Variants in VPS26C observed in about 807,000 individuals in gnomAD.
VPS26C encodes the protein vacuolar protein sorting-associated protein 26C.
A neutral mutation model predicts 30.6 loss-of-function variants in VPS26C; 19 were observed. That is an observed-to-expected ratio of 0.62 (90% CI 0.43 to 0.91). The LOEUF is 0.91. Ranked by LOEUF, VPS26C falls within the 40% of genes least tolerant of loss-of-function variation. The pLI is 0.00. For missense variants in VPS26C, 318 were observed against 385.1 expected, an observed-to-expected ratio of 0.83 and a Z score of 1.46; for synonymous variants, 132 against 151.5, an observed-to-expected ratio of 0.87 and a Z score of 0.95.
At position 37,224,104 on chromosome 21, in the gene VPS26C, T is replaced by C. The variant is rs970992567; in HGVS notation, c.*1440A>G. 2 of 152,380 alleles carry C rather than the reference T, an allele frequency of 1.3e-5. No individual in the cohort carries two copies. Among genetic ancestry groups the C allele is most frequent in the Admixed American group, 6.5e-5 (1 of 15,306 alleles). The allele number at this position is 152,380 out of a possible 1,614,324, so 9.4% of individuals were successfully genotyped here. ...CAAATTCATCAAGTCAAGGACCTTT[T>C]CCTGCTACCACCTTGCGGAGAGGGG... On this transcript the variant is annotated 3_prime_UTR_variant, in exon 8 of 8. Coordinates refer to ENST00000309117, the MANE Select transcript of VPS26C (RefSeq NM_006052.2).
intron 5 of VPS26C, chr21:37,230,857 C>G (rs1056944915): frequency 6.6e-6 from 1 of 152,424 alleles, no homozygotes; most frequent in African/African-American, 2.4e-5. Context: ...GGTGAGCTCA[C>G]CAGATGGGGG....
chr21:37,245,645 T>A (rs1350514123), intron 1 of VPS26C, among the ~76,000 whole-genome samples: 1 of 152,138 alleles, frequency 6.6e-6, no homozygotes, highest in Non-Finnish European at 1.5e-5. Flanking sequence ...GAACATAAAC[T>A]CCACCAGGGC....
chr21:37,244,398 C>G (rs994318779), intron 1 of VPS26C, among the ~76,000 whole-genome samples: 1 of 152,206 alleles, frequency 6.6e-6, no homozygotes, highest in African/African-American at 2.4e-5. Flanking sequence ...CCACCACACC[C>G]AGCTAATTTT....
Position 37,226,968 on chromosome 21 carries a change from T to C in VPS26C, c.811+686A>G, listed in dbSNP as rs1304355552. The C allele has an allele frequency of 6.6e-6, 1 of 152,172 alleles. No homozygotes were observed. Among genetic ancestry groups the C allele is most frequent in the Non-Finnish European group, 1.5e-5 (1 of 68,036 alleles). The allele number at this position is 152,172 out of a possible 1,614,324, so 9.4% of individuals were successfully genotyped here. ...GATGGAGGTCCCATTACAATATTTA[T>C]AGGAAGAGTTAAAAACATGGAAATG... On this transcript the variant is annotated intron_variant, in intron 7 of 7. Coordinates refer to ENST00000309117, the MANE Select transcript of VPS26C (RefSeq NM_006052.2). The surrounding 1 kb of genome is among the most constrained non-coding windows in gnomAD (Gnocchi z 4.1).
chr21:37,261,238 CACTTT>C (rs2086300699), intron 1 of VPS26C: 1 of 152,174 alleles, frequency 6.6e-6, no homozygotes, highest in Admixed American at 6.5e-5. Flanking sequence ...TTATTCTGTT[CACTTT>C]GTTTCCTTCG....
intron 3 of VPS26C, among the ~76,000 whole-genome samples, chr21:37,234,675 T>C (rs2086001136): frequency 6.6e-6 from 1 of 152,172 alleles, no homozygotes; most frequent in South Asian, 2.1e-4. Flanking sequence ...TCGGACTCTA[T>C]GCATAACTGA....
chr21:37,251,482 T>A (rs554736983), intron 1 of VPS26C, among the ~76,000 whole-genome samples: 86 of 152,342 alleles, frequency 5.6e-4, no homozygotes, highest in East Asian at 1.2e-3. Context: ...TACTTTTTTT[T>A]AAAATTTAAG....
At chr21:37,267,108 G>A in intron 1 of VPS26C, 130 bp downstream of exon 1, 1 of 859,054 alleles carries the variant, frequency 1.2e-6, no homozygotes, top group Non-Finnish European at 1.9e-6. Flanking sequence ...CACCCACCTT[G>A]GCGGAGACGC....
chr21:37,228,228 G>A lies in VPS26C; in HGVS notation c.653C>T (p.Thr218Met), dbSNP rs144157922. The A allele has an allele frequency of 1.8e-5, 29 of 1,612,004 alleles. No homozygotes were observed. The highest frequency in any genetic ancestry group is 2.2e-5 in the South Asian group (2 of 91,054). Residue 218 changes from threonine (T) to methionine (M), a missense_variant, in exon 6 of 8, where the codon ACG (threonine) becomes ATG (methionine). Thr to Met is a moderately conservative substitution (Grantham distance 81, BLOSUM62 -1). Transcript: ENST00000309117. ...CCTGGTGGCACGGCCCTCACCGCAC[G>A]TCTCCACGCGCACCAGCTGCAGCTC... The part of the protein sequence containing the change: ...SVELQLVRVE[T>M]CGCAEGYARD...
chr21:37,244,389 C>T (rs896928016), intron 1 of VPS26C, among the ~76,000 whole-genome samples: 10 of 152,232 alleles, frequency 6.6e-5, no homozygotes, highest in Non-Finnish European at 1.5e-4. Context: ...AGGCATGCAC[C>T]ACCACACCCA....
At chr21:37,231,432 C>T (rs1240474515) in intron 5 of VPS26C, 1 of 152,222 alleles carries the variant, frequency 6.6e-6, no homozygotes, top group Admixed American at 6.5e-5. Context: ...GTCGCGTGCC[C>T]TCAGAGCCCG....
At chr21:37,244,819 A>T (rs896092051) in intron 1 of VPS26C, among the ~76,000 whole-genome samples, 3 of 152,178 alleles carry the variant, frequency 2.0e-5, no homozygotes, top group Non-Finnish European at 2.9e-5. Flanking sequence ...AAACGGAAAG[A>T]AGGCCCCCAG....
At chr21:37,268,016 C>T (rs891503082), upstream of VPS26C, 1 of 152,428 alleles carries the variant, frequency 6.6e-6, no homozygotes, top group South Asian at 2.1e-4. Flanking sequence ...CGTCCCAGCG[C>T]CAGCTGGGCC....
chr21:37,230,189 TAA>T (rs1376779806), intron 5 of VPS26C, among the ~76,000 whole-genome samples: 2 of 152,158 alleles, frequency 1.3e-5, no homozygotes, highest in Non-Finnish European at 2.9e-5. Context: ...TAAAAATAAC[TAA>T]GAGAAGCTAT....
chr21:37,266,916 A>C (rs1284705394), intron 1 of VPS26C: 7 of 435,954 alleles, frequency 1.6e-5, no homozygotes, highest in Admixed American at 4.4e-5. Context: ...GAGGGAGCTC[A>C]AGCCTGAGAA....
At chr21:37,267,161 G>T in intron 1 of VPS26C, 77 bp downstream of exon 1, 2 of 1,287,290 alleles carry the variant, frequency 1.6e-6, no homozygotes, top group Non-Finnish European at 2.2e-6. Flanking sequence ...CGCGGGACGT[G>T]CGCAGAGCGA....
At position 37,227,937 on chromosome 21, in the gene VPS26C, G is replaced by A. The variant is rs7280972; in HGVS notation, c.659-131C>T. On this transcript the variant is annotated intron_variant, in intron 6 of 7. Transcript: ENST00000309117. Reference sequence around the variant, plus strand: ...CCCTCCCCTCACTTTCCTTAGACACGCGGCTACTGCTAAGGCACAGCCACG... The same window carrying A: ...CCCTCCCCTCACTTTCCTTAGACACACGGCTACTGCTAAGGCACAGCCACG... The A allele has an allele frequency of 3.1e-3, 3,807 of 1,218,364 alleles. 90 individuals carry two copies. The African/African-American group carries it at 0.046, about 15-fold the overall frequency. 75.5% of individuals were successfully genotyped at this position (1,218,364 alleles called of 1,614,324 possible). A position where few individuals can be genotyped will look rare whatever the true frequency, so the allele number is the denominator to read the frequency against.
In VPS26C at chr21:37,233,239, T is replaced by C; in HGVS notation, c.432+123A>G. The C allele has an allele frequency of 1.3e-6, 1 of 788,402 alleles. No homozygotes were observed. The highest frequency in any genetic ancestry group is 1.5e-5 in the South Asian group (1 of 64,560). 48.8% of individuals were successfully genotyped at this position (788,402 alleles called of 1,614,324 possible). ...GACTGTCTCTGACCCAGAAGTCTTGTGTCTTCTGCCAGCACCCGTGAAACA... is the reference window on the plus strand; with the variant it reads ...GACTGTCTCTGACCCAGAAGTCTTGCGTCTTCTGCCAGCACCCGTGAAACA... On this transcript the variant is annotated intron_variant, in intron 4 of 7. Coordinates refer to ENST00000309117, the MANE Select transcript of VPS26C (RefSeq NM_006052.2). The surrounding 1 kb of genome is among the most constrained non-coding windows in gnomAD (Gnocchi z 5.2).
intron 3 of VPS26C, among the ~76,000 whole-genome samples, chr21:37,235,678 A>T (rs2086012721): frequency 6.6e-6 from 1 of 151,974 alleles, no homozygotes; most frequent in Non-Finnish European, 1.5e-5. Context: ...ACTACGGAAG[A>T]CTCTGATGAT....
Sources: allele counts gnomAD v4.1 joint callset (sites outside exome capture counted in the v4.1 genomes callset), GRCh38; gene constraint gnomAD v4.1.1; non-coding constraint Gnocchi (gnomAD v3.1); transcripts MANE v1.5; gene names NCBI Gene and HGNC (gene_info 2026-07-23, HGNC 2026-07-21).